The following ZNF320 variants were observed in gnomAD, a reference collection of about 807,000 sequenced individuals.
ZNF320 encodes zinc finger gene 320.
A neutral mutation model predicts 6.8 loss-of-function variants in ZNF320; 2 were observed. The ratio of observed to expected loss-of-function variants is 0.29; its 90% CI spans 0.12 to 0.93. ZNF320 has a LOEUF of 0.93. Ranked by LOEUF, ZNF320 falls within the 40% of genes least tolerant of loss-of-function variation. The pLI is 0.55. For synonymous variants in ZNF320, 208 were observed against 203.2 expected (o/e 1.02, Z -0.20); for missense variants, 472 against 611.0 (o/e 0.77, Z 2.40).
upstream of ZNF320, among the ~76,000 whole-genome samples, chr19:52,900,261 T>C (rs529465864): frequency 4.6e-5 from 7 of 152,310 alleles, no homozygotes; most frequent in Admixed American, 3.3e-4. Flanking sequence ...TATGTAACTG[T>C]TTTTGTGGTA....
chr19:52,874,019 T>C, downstream of ZNF320: 1 of 463,922 alleles, frequency 2.2e-6, no homozygotes, highest in Non-Finnish European at 4.3e-6. Flanking sequence ...CTGGCTCCTT[T>C]TCTTTGCCTT....
At chr19:52,882,527 G>A (rs779047616) in intron 5 of ZNF320, among the ~76,000 whole-genome samples, 3 of 152,120 alleles carry the variant, frequency 2.0e-5, no homozygotes, top group Non-Finnish European at 4.4e-5. Context: ...CCACCCTGTC[G>A]TCCCAGCTAC....
upstream of ZNF320, among the ~76,000 whole-genome samples, chr19:52,899,546 T>G (rs576120110): frequency 4.6e-5 from 7 of 152,268 alleles, no homozygotes; most frequent in Admixed American, 3.3e-4. Context: ...CACTGCAAGC[T>G]CCACCTCCCG....
At chr19:52,894,058 G>A (rs2064394394) in intron 1 of ZNF320, 1 of 152,194 alleles carries the variant, frequency 6.6e-6, no homozygotes, top group South Asian at 2.1e-4. Flanking sequence ...CAATACATGG[G>A]TTCAAAATCA....
At chr19:52,860,624 A>C (rs892196523), downstream of ZNF320, among the ~76,000 whole-genome samples, 1 of 152,026 alleles carries the variant, frequency 6.6e-6, no homozygotes, top group African/African-American at 2.4e-5. Context: ...AAAGAAAAAA[A>C]AGCTATTCTT....
chr19:52,875,420 G>A (rs1407760278), downstream of ZNF320, among the ~76,000 whole-genome samples: 1 of 152,140 alleles, frequency 6.6e-6, no homozygotes, highest in Non-Finnish European at 1.5e-5. Flanking sequence ...CAGTGGGTGT[G>A]GACAGAGACA....
intron 4 of ZNF320, among the ~76,000 whole-genome samples, chr19:52,889,192 AG>A (rs924752353): frequency 1.4e-5 from 2 of 146,570 alleles, no homozygotes; most frequent in African/African-American, 5.0e-5. Flanking sequence ...CAAAAAAAAA[AG>A]AAAAAAAAAG....
At chr19:52,882,493 C>A (rs1292862671) in intron 5 of ZNF320, among the ~76,000 whole-genome samples, 1 of 152,096 alleles carries the variant, frequency 6.6e-6, no homozygotes, top group African/African-American at 2.4e-5. Flanking sequence ...GATAAGATTA[C>A]AAAAATTAGC....
chr19:52,872,479 A>G (rs374062988), downstream of ZNF320, among the ~76,000 whole-genome samples: 78 of 152,112 alleles, frequency 5.1e-4, no homozygotes, highest in African/African-American at 1.7e-3. Context: ...ACCGGCATCG[A>G]CCTCTGAGTT....
intron 5 of ZNF320, among the ~76,000 whole-genome samples, chr19:52,887,646 G>A (rs994616133): frequency 1.3e-5 from 2 of 152,186 alleles, no homozygotes; most frequent in Non-Finnish European, 2.9e-5. Context: ...GAGTGCAGCG[G>A]TGTGTTCTCG....
At position 52,890,281 on chromosome 19, in the gene ZNF320, C is replaced by G. The variant is rs745325680; in HGVS notation, c.-26G>C. The G allele has an allele frequency of 6.2e-7, 1 of 1,605,766 alleles. No individual in the cohort carries two copies. The highest frequency in any genetic ancestry group is 1.7e-5 in the Admixed American group (1 of 59,596). On this transcript the variant is annotated 5_prime_UTR_variant, in exon 4 of 6. Coordinates refer to ENST00000682928, the MANE Select transcript of ZNF320 (RefSeq NM_001351774.2). The stretch of plus-strand genomic sequence containing the variant: ...CCCCGACTCCTTTGCTTTCCTCTTC[C>G]TCTTCTGGGTTTCTTCCTCAGGTAC...
chr19:52,883,048 T>A (rs2063971582), intron 5 of ZNF320, among the ~76,000 whole-genome samples: 1 of 152,168 alleles, frequency 6.6e-6, no homozygotes, highest in Non-Finnish European at 1.5e-5. Flanking sequence ...AATTTTGTAT[T>A]TTTATTTTTT....
chr19:52,882,674 G>A (rs1344485988), intron 5 of ZNF320, among the ~76,000 whole-genome samples: 1 of 152,172 alleles, frequency 6.6e-6, no homozygotes, highest in East Asian at 1.9e-4. Flanking sequence ...AGGGGGTGGT[G>A]GCTCGCGCCT....
At chr19:52,886,452 C>T (rs1334315259) in intron 5 of ZNF320, among the ~76,000 whole-genome samples, 1 of 152,120 alleles carries the variant, frequency 6.6e-6, no homozygotes, top group Admixed American at 6.6e-5. Flanking sequence ...AAATTTTAAG[C>T]TTCATTATTG....
chr19:52,897,366 T>G (rs1038438474), intron 1 of ZNF320, 154 bp downstream of exon 1: 1 of 152,110 alleles, frequency 6.6e-6, no homozygotes, highest in African/African-American at 2.4e-5. Context: ...GGGTGAGGAC[T>G]TGAAACAGCG....
At chr19:52,869,346 T>A in intron 5 of ZNF320, among the ~76,000 whole-genome samples, 1 of 152,008 alleles carries the variant, frequency 6.6e-6, no homozygotes, top group East Asian at 1.9e-4. Context: ...CACAACAATA[T>A]ACCAAGTATA....
At chr19:52,875,618 A>G (rs192938261), downstream of ZNF320, among the ~76,000 whole-genome samples, 27 of 152,252 alleles carry the variant, frequency 1.8e-4, no homozygotes, top group Middle Eastern at 3.4e-3. Context: ...CATCTCTACC[A>G]AAAGTACAAA....
At chr19:52,865,435 T>TTTTTAC (rs2063526790) in intron 5 of ZNF320, 1 of 53,482 alleles carries the variant, frequency 1.9e-5, no homozygotes. Flanking sequence ...GTCCAGGCTT[T>TTTTTAC]ATATATATAT....
upstream of ZNF320, among the ~76,000 whole-genome samples, chr19:52,898,334 C>T (rs114821404): frequency 0.016 from 2,389 of 152,232 alleles, 60 homozygotes; most frequent in African/African-American, 0.054. Flanking sequence ...TGCTTAAACA[C>T]AGCAGGGATG....
Sources: gnomAD v4.1 joint callset for allele counts (sites outside exome capture counted in the v4.1 genomes callset) on GRCh38, gnomAD v4.1.1 for gene constraint, MANE v1.5 for transcripts, NCBI Gene and HGNC (gene_info 2026-07-23, HGNC 2026-07-21) for gene names.